Variants in ANXA9 observed in about 807,000 individuals in gnomAD.
The protein encoded by ANXA9 is annexin 31.
Under a neutral mutation model 51.8 loss-of-function variants are expected in ANXA9, and 47 were observed. That is an observed-to-expected ratio of 0.91 (90% CI 0.72 to 1.16). The LOEUF (loss-of-function observed/expected upper bound fraction) is 1.16. Ranked by LOEUF, ANXA9 falls within the 50% of genes most tolerant of loss-of-function variation. The pLI is 0.00. For synonymous variants in ANXA9, 154 were observed against 168.7 expected (o/e 0.91, Z 0.68); for missense variants, 361 against 424.7 (o/e 0.85, Z 1.32).
Position 150,988,480 on chromosome 1 carries a change from G to A in ANXA9, c.852+139G>A, listed in dbSNP as rs1671622600. 11 of 1,033,560 alleles carry A rather than the reference G, an allele frequency of 1.1e-5. 1 individual carries two copies. The South Asian group carries it at 1.7e-4, about 16-fold the overall frequency. The allele number at this position is 1,033,560 out of a possible 1,614,324, so 64.0% of individuals were successfully genotyped here. A position where few individuals can be genotyped will look rare whatever the true frequency, so the allele number is the denominator to read the frequency against. On this transcript the variant is annotated intron_variant, in intron 12 of 13. Transcript: ENST00000368947. ...CTCCTTCCCAGGGCTTACACACCAG[G>A]GCTTACACAGGGGTGGAGGAATGAG... is the stretch of plus-strand genomic sequence containing the variant.
Position 150,992,472 on chromosome 1 carries a change from C to A in ANXA9, c.853-2105C>A, listed in dbSNP as rs935667001. Among the ~76,000 whole-genome samples, 5 of 152,210 alleles carry A rather than the reference C, an allele frequency of 3.3e-5. No homozygotes were observed. In the South Asian group the frequency reaches 1.0e-3, roughly 32 times the overall value. ...GCTGAGATAGGAGAATTGCTTGAACCTGGGAGGCAGAGGTTACAGTGACCT... is the reference window on the plus strand; with the variant it reads ...GCTGAGATAGGAGAATTGCTTGAACATGGGAGGCAGAGGTTACAGTGACCT... On this transcript the variant is annotated intron_variant, in intron 12 of 13. Coordinates refer to ENST00000368947, the MANE Select transcript of ANXA9 (RefSeq NM_003568.3).
upstream of ANXA9, among the ~76,000 whole-genome samples, chr1:150,979,806 A>G (rs1174206716): frequency 1.3e-5 from 2 of 152,216 alleles, no homozygotes; most frequent in African/African-American, 4.8e-5. Context: ...ATATTTGATA[A>G]CATTGTGACA....
rs777062436 is a variant in ANXA9 at position 150,983,413 on chromosome 1, C to T, written c.151C>T (p.Leu51=). The T allele has an allele frequency of 6.2e-7, 1 of 1,612,918 alleles. No individual in the cohort carries two copies. Among genetic ancestry groups the T allele is most frequent in the Non-Finnish European group, 8.5e-7 (1 of 1,179,474 alleles). ...FSVDKDAQRL[L]RAITGQGVDR... is the part of the protein sequence containing the mutation. ...CGTGGACAAGGATGCGCAGAGGCTA[C>T]TGAGGGCCATTACTGGCCAAGGTGA... Residue 51 remains leucine (L), a synonymous_variant, in exon 4 of 14, where the codon CTG becomes TTG. Transcript: ENST00000368947.
Position 150,983,453 on chromosome 1 carries a change from G to A in ANXA9, c.172+19G>A. 6.3e-7 allele frequency: 1 copy of A among 1,592,062 alleles called. No homozygotes were observed. The highest frequency in any genetic ancestry group is 8.6e-7 in the Non-Finnish European group (1 of 1,168,612). On this transcript the variant is annotated intron_variant, in intron 4 of 13. Coordinates refer to ENST00000368947, the MANE Select transcript of ANXA9 (RefSeq NM_003568.3). The stretch of plus-strand genomic sequence containing the variant: ...GGCCAAGGTGAGCCCCTTTCCCCCG[G>A]CACTTGAGACTGCCTTTTAGAGCCA...
upstream of ANXA9, among the ~76,000 whole-genome samples, chr1:150,978,740 C>T (rs758830663): frequency 4.8e-4 from 73 of 151,702 alleles, no homozygotes; most frequent in Non-Finnish European, 9.0e-4. Flanking sequence ...CCGAGGTGGG[C>T]GGATCACAAG....
At chr1:150,986,314 A>G in intron 7 of ANXA9, 22 bp from the exon 8 acceptor site, 1 of 1,609,412 alleles carries the variant, frequency 6.2e-7, no homozygotes, top group South Asian at 1.1e-5. Context: ...GAGGATTCAG[A>G]GAGCTCCTCA....
rs587651371 is a variant in ANXA9, at chr1:150,991,911, C to T, written c.853-2666C>T. On this transcript the variant is annotated intron_variant, in intron 12 of 13. Transcript: ENST00000368947. Reference sequence around the variant, plus strand: ...CCTCCTGAGTAGCTGAGATTACAGGCGCCCGCCACCACGCCCGGCTAATTT... The same window carrying T: ...CCTCCTGAGTAGCTGAGATTACAGGTGCCCGCCACCACGCCCGGCTAATTT... Among the ~76,000 whole-genome samples, 8 of 150,566 alleles carry T rather than the reference C, an allele frequency of 5.3e-5. No homozygotes were observed. In the South Asian group the frequency reaches 1.3e-3, roughly 24 times the overall value.
intron 9 of ANXA9, among the ~76,000 whole-genome samples, chr1:150,986,979 G>A (rs1361353701): frequency 5.9e-5 from 9 of 152,168 alleles, no homozygotes; most frequent in Admixed American, 5.9e-4. Context: ...TTCCAAATCA[G>A]TGAATAGAGC....
At chr1:150,990,794 C>T (rs1254986617) in intron 12 of ANXA9, among the ~76,000 whole-genome samples, 4 of 152,006 alleles carry the variant, frequency 2.6e-5, no homozygotes, top group African/African-American at 9.7e-5. Context: ...TGCGGTCAGC[C>T]GAGGTGACGC....
At chr1:150,991,966 C>T (rs1324091646) in intron 12 of ANXA9, among the ~76,000 whole-genome samples, 1 of 151,994 alleles carries the variant, frequency 6.6e-6, no homozygotes, top group African/African-American at 2.4e-5. Flanking sequence ...AGGGTTTCAC[C>T]ATGTTGACCA....
upstream of ANXA9, among the ~76,000 whole-genome samples, chr1:150,981,152 C>G (rs1671411172): frequency 4.6e-5 from 7 of 152,174 alleles, no homozygotes; most frequent in Admixed American, 3.9e-4. Flanking sequence ...AGTTCTGACA[C>G]AGGTGCATGT....
chr1:150,978,494 T>C (rs1671370660), upstream of ANXA9, among the ~76,000 whole-genome samples: 4 of 152,088 alleles, frequency 2.6e-5, no homozygotes, highest in Admixed American at 2.6e-4. Context: ...GCATGAACAG[T>C]GGAGGCGGTG....
intron 6 of ANXA9, 58 bp from the exon 7 acceptor site, chr1:150,984,528 T>G (rs934569649): frequency 6.5e-7 from 1 of 1,541,332 alleles, no homozygotes. Context: ...CGTCTGCCCC[T>G]CTGTCTGCCA....
rs755272889 is a variant in ANXA9, at chr1:150,983,461, G to GA, written c.172+28dup. 1.9e-6 allele frequency: 3 copies of GA among 1,582,390 alleles called. No homozygotes were observed. The East Asian group carries it at 6.9e-5, about 36-fold the overall frequency. ...TGAGCCCCTTTCCCCCGGCACTTGA[G>GA]ACTGCCTTTTAGAGCCAATCTGTAG... On this transcript the variant is annotated intron_variant, in intron 4 of 13. Coordinates refer to ENST00000368947, the MANE Select transcript of ANXA9 (RefSeq NM_003568.3).
chr1:150,994,748 ACCT>A (rs113223958), intron 13 of ANXA9, 49 bp downstream of exon 13: 1 of 1,604,974 alleles, frequency 6.2e-7, no homozygotes, highest in African/African-American at 1.3e-5. Flanking sequence ...TTCACTCCTC[ACCT>A]CCACCCTCAC....
chr1:150,979,639 A>G (rs901351522), upstream of ANXA9, among the ~76,000 whole-genome samples: 1 of 152,166 alleles, frequency 6.6e-6, no homozygotes, highest in African/African-American at 2.4e-5. Flanking sequence ...TCAAGGGGCC[A>G]CTAGGGGGCT....
At chr1:150,979,405 G>C (rs374067373), upstream of ANXA9, among the ~76,000 whole-genome samples, 1 of 152,122 alleles carries the variant, frequency 6.6e-6, no homozygotes, top group Non-Finnish European at 1.5e-5. Flanking sequence ...CCCCGGCTGC[G>C]GAGCTGCAGT....
intron 12 of ANXA9, among the ~76,000 whole-genome samples, chr1:150,992,575 T>A (rs1671732739): frequency 6.6e-6 from 1 of 151,692 alleles, no homozygotes. Context: ...ATATATATGC[T>A]GAAGCGAGCA....
chr1:150,988,119 G>A lies in ANXA9; in HGVS notation c.726G>A (p.Gly242=), dbSNP rs1241532507. 1 of 1,614,226 alleles carries A rather than the reference G, an allele frequency of 6.2e-7. No individual in the cohort carries two copies. Among genetic ancestry groups the A allele is most frequent in the African/African-American group, 1.3e-5 (1 of 75,050 alleles). ...RVFDQYQRST[G]QELEEAVQNR... is the part of the protein sequence containing the mutation. ...TTGATCAGTACCAGCGGAGCACTGG[G>A]CAAGAGCTGGAGGAGGCTGTCCAGA... The change falls in exon 11 of 14, where the codon GGG becomes GGA. Residue 242 remains glycine (G), a synonymous_variant. Coordinates refer to ENST00000368947, the MANE Select transcript of ANXA9 (RefSeq NM_003568.3).
Sources: gnomAD v4.1 joint callset for allele counts (sites outside exome capture counted in the v4.1 genomes callset) on GRCh38, gnomAD v4.1.1 for gene constraint, MANE v1.5 for transcripts, NCBI Gene and HGNC (gene_info 2026-07-23, HGNC 2026-07-21) for gene names.